The following PLXNA4 variants were observed in gnomAD, a reference collection of about 807,000 sequenced individuals.
The protein encoded by PLXNA4 is plexin A4, also known as plexin-A4.
Under a neutral mutation model 191.8 loss-of-function variants are expected in PLXNA4, and 44 were observed. The ratio of observed to expected loss-of-function variants is 0.23; its 90% CI spans 0.18 to 0.29. PLXNA4 has a LOEUF of 0.29. Ranked by LOEUF, PLXNA4 falls within the 10% of genes least tolerant of loss-of-function variation. The pLI is 1.00. For missense variants in PLXNA4, 1,800 were observed against 2,488.8 expected (o/e 0.72, Z 5.89); for synonymous variants, 1,082 against 1,009.5 (o/e 1.07, Z -1.36).
intron 1 of PLXNA4, among the ~76,000 whole-genome samples, chr7:132,542,853 T>C (rs1800140692): frequency 6.6e-6 from 1 of 152,274 alleles, no homozygotes; most frequent in African/African-American, 2.4e-5. Flanking sequence ...TGAAATCTAC[T>C]ATGTCATTTT....
At chr7:132,377,874 C>T (rs986915077) in intron 3 of PLXNA4, among the ~76,000 whole-genome samples, 1 of 152,120 alleles carries the variant, frequency 6.6e-6, no homozygotes. Flanking sequence ...ACAGCACAGC[C>T]TGGCACAAAA....
intron 3 of PLXNA4, among the ~76,000 whole-genome samples, chr7:132,436,131 G>T (rs1236159705): frequency 6.6e-6 from 1 of 152,166 alleles, no homozygotes; most frequent in Non-Finnish European, 1.5e-5. Flanking sequence ...TCAGGTGTCA[G>T]CCTGGAGACT....
intron 1 of PLXNA4, among the ~76,000 whole-genome samples, chr7:132,572,844 G>A (rs1248712786): frequency 6.6e-6 from 1 of 152,176 alleles, no homozygotes; most frequent in African/African-American, 2.4e-5. Flanking sequence ...GGCCCTGTGT[G>A]GACCAAGCAT....
intron 3 of PLXNA4, among the ~76,000 whole-genome samples, chr7:132,313,164 C>T (rs1482989971): frequency 6.6e-6 from 1 of 152,100 alleles, no homozygotes; most frequent in Admixed American, 6.5e-5. Flanking sequence ...TTTCCTCAAG[C>T]CTAGAGTCAA....
In PLXNA4 at chr7:132,481,240, A is replaced by G. The variant is rs118050276; in HGVS notation, c.1371+8052T>C. ...TTTCAACCGCCCTAGCATGGACATC[A>G]GGGCCTGAGACAGGGCAGAGACAGA... On this transcript the variant is annotated intron_variant, in intron 3 of 31. Coordinates refer to ENST00000321063, the MANE Select transcript of PLXNA4 (RefSeq NM_020911.2). Among the ~76,000 whole-genome samples the G allele has an allele frequency of 2.0e-3, 301 of 152,232 alleles. 5 individuals are homozygous for G. The East Asian group carries it at 0.044, about 22-fold the overall frequency.
intron 4 of PLXNA4, among the ~76,000 whole-genome samples, chr7:132,245,002 A>T (rs988290254): frequency 1.3e-5 from 2 of 151,928 alleles, no homozygotes; most frequent in Non-Finnish European, 2.9e-5. Context: ...ACAGCCTTAC[A>T]CCATACAAAG....
intron 3 of PLXNA4, among the ~76,000 whole-genome samples, chr7:132,477,925 T>C (rs990051900): frequency 1.7e-4 from 26 of 152,238 alleles, no homozygotes; most frequent in Admixed American, 1.7e-3. Context: ...GCTATTAATT[T>C]TAGAAAATAA....
chr7:132,394,936 C>T (rs1281366373), intron 3 of PLXNA4, among the ~76,000 whole-genome samples: 1 of 152,226 alleles, frequency 6.6e-6, no homozygotes, highest in Non-Finnish European at 1.5e-5. Flanking sequence ...GTGGGACCAG[C>T]CCTGGGGATT....
At position 132,228,343 on chromosome 7, in the gene PLXNA4, T is replaced by C; in HGVS notation, c.1728+3A>G. On this transcript the variant is annotated splice_donor_region_variant and intron_variant, in intron 6 of 31. Coordinates refer to ENST00000321063, the MANE Select transcript of PLXNA4 (RefSeq NM_020911.2). ...ACCCCACCCCAACCCCCACGACCCTTACCAGCACGTTGTACTGAGAGACGG... is the reference window on the plus strand; with the variant it reads ...ACCCCACCCCAACCCCCACGACCCTCACCAGCACGTTGTACTGAGAGACGG... 1 of 1,614,014 alleles carries C rather than the reference T, an allele frequency of 6.2e-7. No individual in the cohort carries two copies. The highest frequency in any genetic ancestry group is 8.5e-7 in the Non-Finnish European group (1 of 1,179,976).
intron 4 of PLXNA4, among the ~76,000 whole-genome samples, chr7:132,259,482 G>GAAAAAAAAAAAAAAAAAAAAA (rs1414792493): frequency 1.8e-5 from 2 of 111,362 alleles, no homozygotes; most frequent in Admixed American, 1.0e-4. Flanking sequence ...AAGAAAAAAG[G>GAAAAAAAAAAAAAAAAAAAAA]AAAAAAGAAA....
At chr7:132,131,359 G>C (rs1794920433) in intron 31 of PLXNA4, among the ~76,000 whole-genome samples, 1 of 152,176 alleles carries the variant, frequency 6.6e-6, no homozygotes, top group African/African-American at 2.4e-5. Flanking sequence ...GTCCTCAACT[G>C]TTAATGTAGG....
rs1800831321 is a variant in PLXNA4 at position 132,557,030 on chromosome 7, G to A, written c.-87+19392C>T. On this transcript the variant is annotated intron_variant, in intron 1 of 31. Transcript: ENST00000321063. ...ATGAATAAAGTACCAGGTGGCAGAAGTTTGTGTAAGACACACATATAATGA... is the reference window on the plus strand; with the variant it reads ...ATGAATAAAGTACCAGGTGGCAGAAATTTGTGTAAGACACACATATAATGA... 2.6e-5 allele frequency among the ~76,000 whole-genome samples: 4 copies of A among 152,226 alleles called. No homozygotes were observed. In the South Asian group the frequency reaches 8.3e-4, roughly 32 times the overall value.
chr7:132,387,248 T>C (rs968879698), intron 3 of PLXNA4, among the ~76,000 whole-genome samples: 1 of 152,204 alleles, frequency 6.6e-6, no homozygotes, highest in Admixed American at 6.5e-5. Flanking sequence ...CTCACACCTA[T>C]TGAATAAGAA....
Position 132,584,759 on chromosome 7 carries a change from T to C in PLXNA4, c.-87+61169A>G, listed in dbSNP as rs146394480. 9.8e-5 allele frequency among the ~76,000 whole-genome samples: 15 copies of C among 152,318 alleles called. No individual in the cohort carries two copies. The East Asian group carries it at 2.7e-3, about 27-fold the overall frequency. On this transcript the variant is annotated intron_variant, in intron 2 of 4. Transcript: ENST00000378539. ...GAGCGATATGTATTTTCTTAATTTA[T>C]TGTATATTCTTTTTTCTTTTTGACG...
At chr7:132,631,717 G>T (rs185811524) in intron 2 of PLXNA4, among the ~76,000 whole-genome samples, 2 of 152,192 alleles carry the variant, frequency 1.3e-5, no homozygotes, top group Admixed American at 1.3e-4. Flanking sequence ...GGTCTCATCT[G>T]CTCCTCACCC....
At chr7:132,251,506 T>C (rs1385117948) in intron 4 of PLXNA4, among the ~76,000 whole-genome samples, 1 of 152,194 alleles carries the variant, frequency 6.6e-6, no homozygotes, top group Non-Finnish European at 1.5e-5. Flanking sequence ...CCTAGCTGGC[T>C]GGCACTGGCT....
intron 3 of PLXNA4, among the ~76,000 whole-genome samples, chr7:132,332,925 A>C (rs1253709546): frequency 6.6e-6 from 1 of 151,698 alleles, no homozygotes; most frequent in Admixed American, 6.6e-5. Context: ...TAAAAGTTCC[A>C]CTTATCTATG....
intron 1 of PLXNA4, among the ~76,000 whole-genome samples, chr7:132,537,984 T>C (rs376459303): frequency 1.3e-5 from 2 of 152,090 alleles, no homozygotes; most frequent in East Asian, 3.9e-4. Flanking sequence ...CTCTGCAAAA[T>C]GTAGAGCTTC....
At chr7:132,555,267 C>A (rs982885252) in intron 1 of PLXNA4, among the ~76,000 whole-genome samples, 5 of 152,030 alleles carry the variant, frequency 3.3e-5, no homozygotes, top group African/African-American at 1.2e-4. Context: ...ATTTTTAAAT[C>A]TTTTTTTAAG....
Sources: gnomAD v4.1 joint callset for allele counts (sites outside exome capture counted in the v4.1 genomes callset) on GRCh38, gnomAD v4.1.1 for gene constraint, MANE v1.5 for transcripts, NCBI Gene and HGNC (gene_info 2026-07-23, HGNC 2026-07-21) for gene names.